The following NFIC variants were observed in gnomAD, a reference collection of about 807,000 sequenced individuals.
NFIC encodes nuclear factor 1 C-type.
In NFIC, 12 loss-of-function variants were observed where a neutral mutation model predicts 54.4. The observed-to-expected ratio is 0.22, with a 90% CI of 0.14 to 0.36. The LOEUF (loss-of-function observed/expected upper bound fraction) is 0.36. NFIC is among the 10% of genes least tolerant of loss of function. The pLI is 1.00. For missense variants in NFIC, 575 were observed against 718.2 expected (o/e 0.80, Z 2.28); for synonymous variants, 322 against 319.2 (o/e 1.01, Z -0.09).
intron 1 of NFIC, 128 bp downstream of exon 1, chr19:3,366,794 C>T (rs996691340): frequency 6.3e-5 from 38 of 601,310 alleles, no homozygotes; most frequent in Non-Finnish European, 8.9e-5. Context: ...CCCGGGATGC[C>T]CCCCGCGCCG....
At chr19:3,431,556 A>T (rs2082121398) in intron 3 of NFIC, among the ~76,000 whole-genome samples, 1 of 150,754 alleles carries the variant, frequency 6.6e-6, no homozygotes, top group African/African-American at 2.4e-5. Context: ...TTTTGTAGGG[A>T]TGGGGTTTCG....
intron 4 of NFIC, 144 bp from the exon 5 acceptor site, chr19:3,434,133 G>T: frequency 7.9e-7 from 1 of 1,265,696 alleles, no homozygotes; most frequent in Non-Finnish European, 1.1e-6. Context: ...GAATAAAACT[G>T]GTTTCAGCCA....
intron 2 of NFIC, among the ~76,000 whole-genome samples, chr19:3,386,694 C>T (rs1178069637): frequency 1.3e-5 from 2 of 152,192 alleles, no homozygotes; most frequent in Non-Finnish European, 2.9e-5. Context: ...GTCACACAGC[C>T]GAGACTGGGC....
intron 2 of NFIC, among the ~76,000 whole-genome samples, chr19:3,417,624 C>CTTTT (rs757954619): frequency 1.6e-4 from 19 of 121,626 alleles, no homozygotes; most frequent in East Asian, 2.2e-4. Context: ...TTTTTCTTTT[C>CTTTT]TTTTTTTTTT....
At position 3,373,619 on chromosome 19, in the gene NFIC, C is replaced by A. The variant is rs1000337442; in HGVS notation, c.30+6953C>A. ...CCTCCTGCAAGAGACCTTCCTGGAC[C>A]CCCCCCCCAAGCTAAAAAACACCCC... is the stretch of plus-strand genomic sequence containing the variant. On this transcript the variant is annotated intron_variant, in intron 1 of 10. Transcript: ENST00000443272. Among the ~76,000 whole-genome samples, 26 of 99,544 alleles carry A rather than the reference C, an allele frequency of 2.6e-4. No homozygotes were observed. In the East Asian group the frequency reaches 5.9e-3, roughly 23 times the overall value. 65.3% of individuals were successfully genotyped at this position (99,544 alleles called of 152,430 possible). A position where few individuals can be genotyped will look rare whatever the true frequency, so the allele number is the denominator to read the frequency against.
At chr19:3,434,944 C>T (rs2082175178) in intron 5 of NFIC, 139 bp from the exon 6 acceptor site, 1 of 1,216,140 alleles carries the variant, frequency 8.2e-7, no homozygotes, top group Non-Finnish European at 1.1e-6. Flanking sequence ...GGCTGAACGC[C>T]CGCGGCTCCC....
At chr19:3,404,141 C>CA (rs2081603443) in intron 2 of NFIC, among the ~76,000 whole-genome samples, 1 of 152,258 alleles carries the variant, frequency 6.6e-6, no homozygotes, top group Middle Eastern at 3.4e-3. Flanking sequence ...CCCTTCTCCC[C>CA]CCCCCGTCAC....
intron 9 of NFIC, among the ~76,000 whole-genome samples, 165 bp from the exon 10 acceptor site, chr19:3,456,385 G>T (rs1004222217): frequency 6.6e-6 from 1 of 152,174 alleles, no homozygotes; most frequent in African/African-American, 2.4e-5. Flanking sequence ...TTTCAGGGGG[G>T]CCCGGTTCAA....
chr19:3,366,563 G>GGGGGGGGGGGGGGGGGGGGGGA, upstream of NFIC: 1 of 782,874 alleles, frequency 1.3e-6, no homozygotes, highest in Non-Finnish European at 1.9e-6. Context: ...GGGCGGGGGG[G>GGGGGGGGGGGGGGGGGGGGGGA]TGGTTTGGAA....
At chr19:3,384,623 A>T (rs548459754) in intron 2 of NFIC, among the ~76,000 whole-genome samples, 51 of 152,250 alleles carry the variant, frequency 3.3e-4, no homozygotes, top group African/African-American at 1.2e-3. Flanking sequence ...TCCTGAACTC[A>T]AACGATCCAC....
chr19:3,453,928 G>A lies in NFIC; in HGVS notation c.1423+12G>A, dbSNP rs1457583368. The A allele has an allele frequency of 1.3e-6, 2 of 1,521,994 alleles. No individual in the cohort carries two copies. Among genetic ancestry groups the A allele is most frequent in the Non-Finnish European group, 1.8e-6 (2 of 1,136,804 alleles). 94.3% of individuals were successfully genotyped at this position (1,521,994 alleles called of 1,614,324 possible). A position where few individuals can be genotyped will look rare whatever the true frequency, so the allele number is the denominator to read the frequency against. ...GCCGACCTCGCCTTGTAAGCACGCGGGAAGCGGTGCCCTGGTGGGGCGGAT... is the reference window on the plus strand; with the variant it reads ...GCCGACCTCGCCTTGTAAGCACGCGAGAAGCGGTGCCCTGGTGGGGCGGAT... On this transcript the variant is annotated intron_variant, in intron 9 of 10. Coordinates refer to ENST00000443272, the MANE Select transcript of NFIC (RefSeq NM_001245002.2). This position sits in a 1 kb window ranked among gnomAD's most constrained non-coding sequence, Gnocchi z 6.7.
At chr19:3,415,232 C>G (rs2081834467) in intron 2 of NFIC, among the ~76,000 whole-genome samples, 1 of 151,730 alleles carries the variant, frequency 6.6e-6, no homozygotes, top group Non-Finnish European at 1.5e-5. Flanking sequence ...CCTGCCTCAG[C>G]CTCCTGAGTA....
At chr19:3,367,431 G>A (rs2145423746) in intron 1 of NFIC, among the ~76,000 whole-genome samples, 1 of 152,212 alleles carries the variant, frequency 6.6e-6, no homozygotes, top group East Asian at 1.9e-4. Context: ...CCCGGGCACT[G>A]CGGCGCTGCG....
Position 3,387,929 on chromosome 19 carries a change from C to T in NFIC, c.562+5686C>T, listed in dbSNP as rs368070165. Among the ~76,000 whole-genome samples the T allele has an allele frequency of 1.9e-4, 29 of 152,214 alleles. 2 individuals carry two copies. In the South Asian group the frequency reaches 5.8e-3, roughly 30 times the overall value. Reference sequence around the variant, plus strand: ...CGCCCAGGGCCTAAACCCAGCCAGGCCTCCCCGCCCCCTCTGGCAGCCCAA... The same window carrying T: ...CGCCCAGGGCCTAAACCCAGCCAGGTCTCCCCGCCCCCTCTGGCAGCCCAA... On this transcript the variant is annotated intron_variant, in intron 2 of 10. Transcript: ENST00000443272.
chr19:3,462,921 G>C lies in NFIC; in HGVS notation c.*152G>C, dbSNP rs540637445. The C allele has an allele frequency of 5.2e-6, 8 of 1,525,276 alleles. No homozygotes were observed. In the East Asian group the frequency reaches 1.9e-4, roughly 36 times the overall value. 94.5% of individuals were successfully genotyped at this position (1,525,276 alleles called of 1,614,324 possible). On this transcript the variant is annotated 3_prime_UTR_variant, in exon 11 of 11. Coordinates refer to ENST00000443272, the MANE Select transcript of NFIC (RefSeq NM_001245002.2). ...CCCGGCCAAAAAGACAAAACACATA[G>C]ACGCACACACTCAGGAGGAAAAGAA...
intron 2 of NFIC, among the ~76,000 whole-genome samples, chr19:3,402,054 T>C (rs1599620402): frequency 6.7e-6 from 1 of 149,684 alleles, no homozygotes; most frequent in African/African-American, 2.5e-5. Context: ...TATTTTTTTT[T>C]CTTTTTTTTG....
intron 2 of NFIC, among the ~76,000 whole-genome samples, chr19:3,420,250 G>A (rs2081931858): frequency 1.3e-5 from 2 of 152,088 alleles, no homozygotes; most frequent in Admixed American, 6.6e-5. Context: ...GAGCTCAGGA[G>A]TTCAAGACTG....
At chr19:3,366,803 C>A in intron 1 of NFIC, 137 bp downstream of exon 1, 1 of 566,864 alleles carries the variant, frequency 1.8e-6, no homozygotes, top group Non-Finnish European at 2.9e-6. Context: ...CCCCCCGCGC[C>A]GAGGGCTGGG....
At position 3,381,692 on chromosome 19, in the gene NFIC, C is replaced by T. The variant is rs2081212266; in HGVS notation, c.31-20C>T. ...TCTGCGTCCCTGGCGCTCCTGACCT[C>T]TCGCCTCTCCGGCCTGCAGGATGAG... On this transcript the variant is annotated intron_variant, in intron 1 of 10. Coordinates refer to ENST00000443272, the MANE Select transcript of NFIC (RefSeq NM_001245002.2). The T allele has an allele frequency of 6.2e-7, 1 of 1,611,744 alleles. No homozygotes were observed.
Sources: gnomAD v4.1 joint callset for allele counts (sites outside exome capture counted in the v4.1 genomes callset) on GRCh38, gnomAD v4.1.1 for gene constraint, Gnocchi (gnomAD v3.1) non-coding constraint, MANE v1.5 for transcripts, NCBI Gene and HGNC (gene_info 2026-07-23, HGNC 2026-07-21) for gene names.